The following PARVA variants were observed in gnomAD, a reference collection of about 807,000 sequenced individuals.
PARVA encodes alpha-parvin.
Under a neutral mutation model 52.6 loss-of-function variants are expected in PARVA, and 25 were observed. That is an observed-to-expected ratio of 0.48 (90% CI 0.35 to 0.66). The LOEUF (loss-of-function observed/expected upper bound fraction) is 0.66. Among genes scored for constraint, PARVA ranks in the 30% least tolerant of loss-of-function variants. The probability of loss-of-function intolerance (pLI) is 0.01; values close to 1 mark genes in which losing one functional copy is unlikely to be tolerated. For missense variants in PARVA, 373 were observed against 450.9 expected (o/e 0.83, Z 1.56); for synonymous variants, 185 against 179.1 (o/e 1.03, Z -0.26).
At chr11:12,403,938 G>C (rs770481157) in intron 1 of PARVA, among the ~76,000 whole-genome samples, 4 of 152,158 alleles carry the variant, frequency 2.6e-5, no homozygotes, top group Non-Finnish European at 5.9e-5. Flanking sequence ...TATCTTCTTT[G>C]ACAGAAATGG....
chr11:12,495,271 C>A (rs1220268865), intron 4 of PARVA, among the ~76,000 whole-genome samples: 1 of 152,146 alleles, frequency 6.6e-6, no homozygotes, highest in African/African-American at 2.4e-5. Flanking sequence ...AAAAAATTCG[C>A]AAATCCACAG....
chr11:12,485,613 A>G (rs1941147921), intron 4 of PARVA, among the ~76,000 whole-genome samples: 1 of 152,242 alleles, frequency 6.6e-6, no homozygotes, highest in Admixed American at 6.5e-5. Flanking sequence ...ATACCCTTAA[A>G]TTGATACTGA....
At chr11:12,381,906 C>A (rs1939494664) in intron 1 of PARVA, among the ~76,000 whole-genome samples, 1 of 152,142 alleles carries the variant, frequency 6.6e-6, no homozygotes. Flanking sequence ...GGGAGTACTT[C>A]CAGCATCTCT....
intron 1 of PARVA, among the ~76,000 whole-genome samples, chr11:12,412,260 A>T (rs1265510181): frequency 1.3e-5 from 2 of 152,210 alleles, no homozygotes; most frequent in African/African-American, 2.4e-5. Context: ...GGTGCTTAAG[A>T]GATGCTTAAT....
chr11:12,425,314 G>A (rs1285951198), intron 1 of PARVA, among the ~76,000 whole-genome samples: 6 of 152,118 alleles, frequency 3.9e-5, no homozygotes, highest in African/African-American at 7.2e-5. Flanking sequence ...AGGATAAGAC[G>A]AACACAGTTT....
chr11:12,481,076 AATTT>A (rs58555380), intron 4 of PARVA, among the ~76,000 whole-genome samples: 19,269 of 151,998 alleles, frequency 0.13, 1,315 homozygotes, highest in Non-Finnish European at 0.16. Flanking sequence ...CTTTTTAATT[AATTT>A]TTTTTAAGTG....
At chr11:12,526,089 A>G (rs1334266512) in intron 12 of PARVA, among the ~76,000 whole-genome samples, 1 of 152,192 alleles carries the variant, frequency 6.6e-6, no homozygotes, top group Non-Finnish European at 1.5e-5. Context: ...GGGCACAGGG[A>G]TAAAGGAACT....
At chr11:12,392,153 T>C (rs543961239) in intron 1 of PARVA, among the ~76,000 whole-genome samples, 176 of 152,062 alleles carry the variant, frequency 1.2e-3, no homozygotes, top group African/African-American at 4.0e-3. Flanking sequence ...AATAATGGAA[T>C]AATATAATAT....
In PARVA at chr11:12,532,744, C is replaced by T. The variant is rs1941787646; in HGVS notation, c.*4819C>T. On this transcript the variant is annotated 3_prime_UTR_variant, in exon 13 of 13. Transcript: ENST00000334956. ...AGCTACTCCAATGAGAAGCCTGCCA[C>T]TCCAGGGCGCACCACGGAGGAGGAT... Among the ~76,000 whole-genome samples, 2 of 152,206 alleles carry T rather than the reference C, an allele frequency of 1.3e-5. No homozygotes were observed. Among genetic ancestry groups the T allele is most frequent in the Admixed American group, 6.5e-5 (1 of 15,282 alleles).
intron 4 of PARVA, among the ~76,000 whole-genome samples, chr11:12,488,639 G>C (rs1403936217): frequency 6.6e-6 from 1 of 152,128 alleles, no homozygotes; most frequent in African/African-American, 2.4e-5. Context: ...ACAGAAAGAG[G>C]CAATAAGGAT....
At chr11:12,471,879 G>GA (rs1940940043) in intron 1 of PARVA, among the ~76,000 whole-genome samples, 1 of 152,208 alleles carries the variant, frequency 6.6e-6, no homozygotes, top group South Asian at 2.1e-4. Context: ...TTCCTTCATT[G>GA]GCCAGTAAGC....
At chr11:12,377,288 C>T (rs1300559291), upstream of PARVA, 7 of 580,252 alleles carry the variant, frequency 1.2e-5, no homozygotes, top group East Asian at 1.8e-4. Context: ...TTGCGCCAGG[C>T]TGTGTGGTGG....
chr11:12,460,941 TG>T (rs1413595920), intron 1 of PARVA, among the ~76,000 whole-genome samples: 1 of 152,170 alleles, frequency 6.6e-6, no homozygotes. Flanking sequence ...GCCTCAACCC[TG>T]GAAGAGTACG....
At chr11:12,419,286 C>T (rs904293007) in intron 1 of PARVA, among the ~76,000 whole-genome samples, 2 of 152,064 alleles carry the variant, frequency 1.3e-5, no homozygotes, top group Admixed American at 6.6e-5. Flanking sequence ...TCCCCACCCC[C>T]CAGGCCCCAG....
At chr11:12,509,976 A>C (rs1053511677) in intron 7 of PARVA, among the ~76,000 whole-genome samples, 4 of 152,208 alleles carry the variant, frequency 2.6e-5, no homozygotes, top group Non-Finnish European at 4.4e-5. Context: ...CTCCCAAACC[A>C]GGGAGTGTGA....
intron 10 of PARVA, among the ~76,000 whole-genome samples, chr11:12,517,276 T>C (rs1402516456): frequency 1.3e-5 from 2 of 150,972 alleles, no homozygotes; most frequent in East Asian, 3.9e-4. Flanking sequence ...TTAGACTGTG[T>C]ACTCCTCCAG....
At position 12,417,208 on chromosome 11, in the gene PARVA, G is replaced by T. The variant is rs543246466; in HGVS notation, c.136+39425G>T. On this transcript the variant is annotated intron_variant, in intron 1 of 12. Transcript: ENST00000334956. The stretch of plus-strand genomic sequence containing the variant: ...TTATTCTTAATAAATAGTTGGACGA[G>T]GTTGTAAATCCTGTGTAGATAACAG... 5.9e-5 allele frequency among the ~76,000 whole-genome samples: 9 copies of T among 152,250 alleles called. No homozygotes were observed. In the South Asian group the frequency reaches 1.7e-3, roughly 28 times the overall value.
chr11:12,506,180 GT>G (rs371397561), intron 6 of PARVA, among the ~76,000 whole-genome samples: 6 of 151,168 alleles, frequency 4.0e-5, no homozygotes, highest in African/African-American at 1.2e-4. Context: ...AATATAGTCT[GT>G]TTTTTTTTAA....
intron 6 of PARVA, among the ~76,000 whole-genome samples, chr11:12,508,099 TAA>T (rs35314523): frequency 0.086 from 7,910 of 91,692 alleles, 648 homozygotes; most frequent in African/African-American, 0.24. Flanking sequence ...ATTTATCAGT[TAA>T]AAAAAAAAAA....
Sources: allele counts gnomAD v4.1 joint callset (sites outside exome capture counted in the v4.1 genomes callset), GRCh38; gene constraint gnomAD v4.1.1; transcripts MANE v1.5; gene names NCBI Gene and HGNC (gene_info 2026-07-23, HGNC 2026-07-21).